AWAT1: variants seen among roughly 807,000 people sequenced by gnomAD.
AWAT1 encodes diacyl-glycerol acyltransferase 2.
A neutral mutation model predicts 21.6 loss-of-function variants in AWAT1; 26 were observed. That is an observed-to-expected ratio of 1.20 (90% CI 0.88 to 1.67). AWAT1 has a LOEUF of 1.67. Among genes scored for constraint, AWAT1 ranks in the 40% most tolerant of loss-of-function variants. The pLI is 0.00. For missense variants in AWAT1, 264 were observed against 249.4 expected (o/e 1.06, Z -0.39); for synonymous variants, 102 against 99.3 (o/e 1.03, Z -0.16).
chrX:70,239,325 C>T (rs182020195), intron 5 of AWAT1, among the ~76,000 whole-genome samples: 20 of 112,816 alleles, frequency 1.8e-4, no homozygotes, highest in African/African-American at 4.8e-4. Context: ...CTTTCCCTCA[C>T]GGAATTTGAG....
rs767234371 is a variant in AWAT1, at chrX:70,235,657, C to T, written c.77-59C>T. 81 of 852,630 alleles carry T rather than the reference C, an allele frequency of 9.5e-5. No individual in the cohort carries two copies. The African/African-American group carries it at 1.4e-3, about 15-fold the overall frequency. The allele number at this position is 852,630 out of a possible 1,213,427, so 70.3% of individuals were successfully genotyped here. The stretch of plus-strand genomic sequence containing the variant: ...GTAATGTGGAGAGCTGGTGATGGGA[C>T]TGGGCATGGTCAAGTTCTGCTGGCA... On this transcript the variant is annotated intron_variant, in intron 1 of 6. Coordinates refer to ENST00000374521, the MANE Select transcript of AWAT1 (RefSeq NM_001013579.3).
chrX:70,238,679 G>A (rs2085525677), intron 5 of AWAT1, among the ~76,000 whole-genome samples: 1 of 112,223 alleles, frequency 8.9e-6, no homozygotes, highest in African/African-American at 3.2e-5. Context: ...AAGTGCATGG[G>A]GCAGTACAGT....
Position 70,235,740 on chromosome X carries a change from T to A in AWAT1, c.101T>A (p.Val34Asp), listed in dbSNP as rs1333777480. ...GTTTGGATCTTGCAGCCATTGTTCG[T>A]CTACCTGCTGTTTACATCCTTGTGG... ...AIFWILQPLFVYLLFTSLWPL... is the reference protein window; with the variant it reads ...AIFWILQPLFDYLLFTSLWPL... The change falls in exon 2 of 7, where the codon GTC becomes GAC. Residue 34 changes from valine to aspartate, a missense_variant. Physicochemically the swap from Val to Asp is radical, Grantham distance 152 (BLOSUM62 -3). Transcript: ENST00000374521. The A allele has an allele frequency of 1.2e-5, 14 of 1,210,964 alleles. No homozygotes were observed. The East Asian group carries it at 3.8e-4, about 33-fold the overall frequency.
intron 1 of AWAT1, 48 bp downstream of exon 1, chrX:70,234,819 C>G (rs1268445822): frequency 3.6e-6 from 4 of 1,095,932 alleles, no homozygotes; most frequent in Non-Finnish European, 5.0e-6. Context: ...AGTCAGAAGC[C>G]AGGGCCAGAT....
In AWAT1 at chrX:70,234,727, A is replaced by G. The variant is rs1182962944; in HGVS notation, c.32A>G (p.Gln11Arg). Reference protein sequence around the residue: MAHSKQPSHFQSLMLLQWPLS... With the variant: MAHSKQPSHFRSLMLLQWPLS... Reference sequence around the variant, plus strand: ...CATTCCAAGCAGCCTAGTCACTTCCAGAGTCTGATGCTTCTGCAGTGGCCT... The same window carrying G: ...CATTCCAAGCAGCCTAGTCACTTCCGGAGTCTGATGCTTCTGCAGTGGCCT... The change falls in exon 1 of 7, where the codon CAG (glutamine) becomes CGG (arginine). Residue 11 changes from glutamine to arginine, a missense_variant. Gln to Arg is a conservative substitution (Grantham distance 43). Coordinates refer to ENST00000374521, the MANE Select transcript of AWAT1 (RefSeq NM_001013579.3). The G allele has an allele frequency of 3.3e-6, 4 of 1,210,840 alleles. No individual in the cohort carries two copies. The highest frequency in any genetic ancestry group is 4.5e-6 in the Non-Finnish European group (4 of 894,952).
intron 4 of AWAT1, 129 bp downstream of exon 4, chrX:70,237,377 G>A (rs2085518773): frequency 1.7e-6 from 1 of 605,552 alleles, no homozygotes. Flanking sequence ...AAAAGCATAT[G>A]TTCTAGAGCT....
chrX:70,236,126 A>G lies in AWAT1; in HGVS notation c.242A>G (p.Tyr81Cys), dbSNP rs774104029. 1 of 1,209,578 alleles carries G rather than the reference A, an allele frequency of 8.3e-7. No individual in the cohort carries two copies. Among genetic ancestry groups the G allele is most frequent in the East Asian group, 3.0e-5 (1 of 33,838 alleles). Residue 81 changes from tyrosine (Y) to cysteine (C), a missense_variant, in exon 3 of 7, where the codon TAT (tyrosine) becomes TGT (cysteine). Coordinates refer to ENST00000374521, the MANE Select transcript of AWAT1 (RefSeq NM_001013579.3). ...TGTGTCTGGACCCACATCAGGGACT[A>G]TTTCCCCATTACGGTAAGTATCTCT... ...NWCVWTHIRD[Y>C]FPITILKTKD...
At position 70,238,337 on chromosome X, in the gene AWAT1, A is replaced by T; in HGVS notation, c.586A>T (p.Ile196Phe). Residue 196 changes from isoleucine (I) to phenylalanine (F), a missense_variant, in exon 5 of 7, where the codon ATC becomes TTC. Physicochemically the swap from Ile to Phe is conservative, Grantham distance 21 (BLOSUM62 0). Transcript: ENST00000374521. ...LQSVPNTTTL[I>F]LQKRKGFVRT... ...AAGTGTGCCCAACACCACCACCCTCATCCTCCAGAAGCGCAAGGGGTTCGT... is the reference window on the plus strand; with the variant it reads ...AAGTGTGCCCAACACCACCACCCTCTTCCTCCAGAAGCGCAAGGGGTTCGT... 3 of 1,208,750 alleles carry T rather than the reference A, an allele frequency of 2.5e-6. No homozygotes were observed. Among genetic ancestry groups the T allele is most frequent in the Non-Finnish European group, 3.4e-6 (3 of 893,247 alleles).
intron 4 of AWAT1, among the ~76,000 whole-genome samples, chrX:70,237,676 A>G (rs2085520070): frequency 9.3e-6 from 1 of 107,793 alleles, no homozygotes; most frequent in African/African-American, 3.4e-5. Flanking sequence ...TACTTAAAAT[A>G]CGAAAATTAG....
intron 1 of AWAT1, 53 bp downstream of exon 1, chrX:70,234,824 C>A (rs73634823): frequency 2.8e-6 from 3 of 1,071,887 alleles, no homozygotes; most frequent in Non-Finnish European, 3.9e-6. Context: ...GAAGCCAGGG[C>A]CAGATCTAGG....
intron 5 of AWAT1, 28 bp downstream of exon 5, chrX:70,238,411 C>T: frequency 8.7e-7 from 1 of 1,149,592 alleles, no homozygotes; most frequent in South Asian, 2.0e-5. Flanking sequence ...AGGGGCAGTG[C>T]ATGGTGTTCT....
At chrX:70,237,420 C>T in intron 4 of AWAT1, 172 bp downstream of exon 4, 2 of 464,423 alleles carry the variant, frequency 4.3e-6, no homozygotes. Flanking sequence ...CCTAGCTCTA[C>T]CACTTGTGTG....
In AWAT1 at chrX:70,237,170, C is replaced by A; in HGVS notation, c.382C>A (p.Pro128Thr). ...TEATGFSKTF[P>T]GITPHLATLS... is the part of the protein sequence containing the mutation. ...GGCCACAGGCTTCTCGAAGACCTTC[C>A]CAGGCATCACTCCTCACTTGGCCAC... is the stretch of plus-strand genomic sequence containing the variant. The change falls in exon 4 of 7, where the codon CCA (proline) becomes ACA (threonine). Residue 128 changes from proline (P) to threonine (T), a missense_variant. By Grantham distance (38) the Pro-to-Thr change is conservative (BLOSUM62 -1). Transcript: ENST00000374521. 1 of 1,208,638 alleles carries A rather than the reference C, an allele frequency of 8.3e-7. No individual in the cohort carries two copies. Among genetic ancestry groups the A allele is most frequent in the Non-Finnish European group, 1.1e-6 (1 of 894,153 alleles).
In AWAT1 at chrX:70,239,839, G is replaced by GT; in HGVS notation, c.738dup (p.Ile247TyrfsTer42). On this transcript the variant is annotated frameshift_variant, in exon 6 of 7. Coordinates refer to ENST00000374521, the MANE Select transcript of AWAT1 (RefSeq NM_001013579.3). LOFTEE classifies it high-confidence loss of function. Reference sequence around the variant, plus strand: ...TACAAGTTCCAGAGCTGCTTCCGCCGTATCTTTGGTTTCTACTGTTGTGTC... The same window carrying GT: ...TACAAGTTCCAGAGCTGCTTCCGCCGTTATCTTTGGTTTCTACTGTTGTGTC... 1 of 1,209,044 alleles carries GT rather than the reference G, an allele frequency of 8.3e-7. No homozygotes were observed.
chrX:70,239,776 T>C lies in AWAT1; in HGVS notation c.674T>C (p.Val225Ala). The C allele has an allele frequency of 8.3e-7, 1 of 1,211,135 alleles. No individual in the cohort carries two copies. ...ACCTTCACTTTTGGGGAAACTGAGG[T>C]GTATGATCAGGTGCTGTTCCATAAG... ...VPTFTFGETEVYDQVLFHKDS... is the reference protein window; with the variant it reads ...VPTFTFGETEAYDQVLFHKDS... Residue 225 changes from valine (V) to alanine (A), a missense_variant, in exon 6 of 7, where the codon GTG becomes GCG. By Grantham distance (64) the Val-to-Ala change is moderately conservative (BLOSUM62 0). Transcript: ENST00000374521.
chrX:70,237,211 C>T lies in AWAT1; in HGVS notation c.423C>T (p.Phe141=). 8.3e-7 allele frequency: 1 copy of T among 1,209,268 alleles called. No individual in the cohort carries two copies. The highest frequency in any genetic ancestry group is 1.1e-6 in the Non-Finnish European group (1 of 894,347). Residue 141 remains phenylalanine, a synonymous_variant, in exon 4 of 7, where the codon TTC becomes TTT. Coordinates refer to ENST00000374521, the MANE Select transcript of AWAT1 (RefSeq NM_001013579.3). ...ACTTGGCCACGCTGTCCTGGTTCTT[C>T]AAGATCCCCTTTGTTAGGGAGTACC... The part of the protein sequence containing the change: ...TPHLATLSWF[F]KIPFVREYLM...
In AWAT1 at chrX:70,235,721, A is replaced by G. The variant is rs1249909470; in HGVS notation, c.82A>G (p.Ile28Val). The G allele has an allele frequency of 4.1e-6, 5 of 1,206,702 alleles. No homozygotes were observed. The African/African-American group carries it at 8.8e-5, about 21-fold the overall frequency. The change falls in exon 2 of 7, where the codon ATC becomes GTC. Residue 28 changes from isoleucine to valine, a missense_variant. Coordinates refer to ENST00000374521, the MANE Select transcript of AWAT1 (RefSeq NM_001013579.3). ...CTAACCTGGTCCCTCATCAGTTTGG[A>G]TCTTGCAGCCATTGTTCGTCTACCT... Reference protein sequence around the residue: ...WPLSYLAIFWILQPLFVYLLF... With the variant: ...WPLSYLAIFWVLQPLFVYLLF...
Position 70,236,053 on chromosome X carries a change from T to C in AWAT1, c.185-16T>C. The C allele has an allele frequency of 8.3e-7, 1 of 1,199,763 alleles. No homozygotes were observed. Among genetic ancestry groups the C allele is most frequent in the Middle Eastern group, 2.3e-4 (1 of 4,317 alleles). ...GCACACACTGACATCATCCCCTACT[T>C]CTTCTTTTGCCTCAGGTGGCAGGCG... On this transcript the variant is annotated splice_polypyrimidine_tract_variant and intron_variant, in intron 2 of 6. Transcript: ENST00000374521.
chrX:70,238,714 G>A (rs1227152906), intron 5 of AWAT1, among the ~76,000 whole-genome samples: 2 of 112,179 alleles, frequency 1.8e-5, no homozygotes, highest in African/African-American at 6.5e-5. Context: ...TGCAGGATTG[G>A]GAGTCAGGAG....
Sources: allele counts gnomAD v4.1 joint callset (sites outside exome capture counted in the v4.1 genomes callset), GRCh38; gene constraint gnomAD v4.1.1; transcripts MANE v1.5; gene names NCBI Gene and HGNC (gene_info 2026-07-23, HGNC 2026-07-21).